Variants in SLC8A1 observed in about 807,000 individuals in gnomAD.
SLC8A1 encodes the protein solute carrier family 8 member A1.
In SLC8A1, 18 loss-of-function variants were observed where a neutral mutation model predicts 68.3. The ratio of observed to expected loss-of-function variants is 0.26; its 90% CI spans 0.18 to 0.39. The LOEUF is 0.39. SLC8A1 is among the 10% of genes least tolerant of loss of function. The pLI, the probability that SLC8A1 is intolerant of heterozygous loss-of-function variation, is 1.00. For synonymous variants in SLC8A1, 475 were observed against 415.5 expected, an observed-to-expected ratio of 1.14 and a Z score of -1.74; for missense variants, 985 against 1,156.7, an observed-to-expected ratio of 0.85 and a Z score of 2.15.
At chr2:40,198,519 A>T (rs1209880414) in intron 2 of SLC8A1, among the ~76,000 whole-genome samples, 2 of 151,968 alleles carry the variant, frequency 1.3e-5, no homozygotes, top group Non-Finnish European at 2.9e-5. Context: ...TATAAGAAAA[A>T]TATTTATTGA....
intron 6 of SLC8A1, among the ~76,000 whole-genome samples, chr2:40,150,056 A>AG (rs1473083902): frequency 2.6e-5 from 4 of 151,046 alleles, no homozygotes; most frequent in Non-Finnish European, 5.9e-5. Context: ...TTTGTTAAAA[A>AG]AAAAAAAAAA....
At chr2:40,200,216 ATATTTTTT>A (rs1238822162) in intron 2 of SLC8A1, among the ~76,000 whole-genome samples, 187 of 7,760 alleles carry the variant, frequency 0.024, 11 homozygotes, top group Middle Eastern at 0.14. Context: ...AAATATATAT[ATATTTTTT>A]TATATATATA....
chr2:40,380,848 T>A (rs1681514474), intron 2 of SLC8A1, among the ~76,000 whole-genome samples: 1 of 152,074 alleles, frequency 6.6e-6, no homozygotes, highest in Non-Finnish European at 1.5e-5. Flanking sequence ...GGTGTCCTAC[T>A]TCTTCAGGGA....
At chr2:40,167,933 C>T (rs1421654278) in intron 4 of SLC8A1, among the ~76,000 whole-genome samples, 1 of 152,164 alleles carries the variant, frequency 6.6e-6, no homozygotes, top group Non-Finnish European at 1.5e-5. Context: ...TTTGAACCAT[C>T]CTTGTATCCT....
intron 2 of SLC8A1, among the ~76,000 whole-genome samples, chr2:40,304,432 C>T (rs150548959): frequency 3.9e-5 from 6 of 152,130 alleles, no homozygotes; most frequent in South Asian, 2.1e-4. Context: ...GAAGGACTGT[C>T]GCATAAGGAT....
At chr2:40,282,660 G>T (rs184877122) in intron 2 of SLC8A1, among the ~76,000 whole-genome samples, 1 of 152,094 alleles carries the variant, frequency 6.6e-6, no homozygotes, top group Non-Finnish European at 1.5e-5. Flanking sequence ...AAAACATGAC[G>T]TAGCTTTTGG....
exon 8 of SLC8A1, chr2:40,108,587 C>G (rs1465567727): frequency 6.6e-6 from 1 of 152,154 alleles, no homozygotes; most frequent in African/African-American, 2.4e-5. Flanking sequence ...GAGTATTTCT[C>G]AAACTTGAGC....
At chr2:40,488,370 C>T (rs760079526) in intron 1 of SLC8A1, among the ~76,000 whole-genome samples, 1 of 152,026 alleles carries the variant, frequency 6.6e-6, no homozygotes, top group Non-Finnish European at 1.5e-5. Flanking sequence ...GATTCAGGCC[C>T]ATTCGTATTC....
At chr2:40,412,277 G>A (rs1187982590) in intron 2 of SLC8A1, among the ~76,000 whole-genome samples, 1 of 152,122 alleles carries the variant, frequency 6.6e-6, no homozygotes, top group African/African-American at 2.4e-5. Context: ...GACTGATGGT[G>A]TATTAAGTGT....
intron 2 of SLC8A1, among the ~76,000 whole-genome samples, chr2:40,293,227 T>C (rs1045686402): frequency 2.0e-5 from 3 of 152,210 alleles, no homozygotes; most frequent in African/African-American, 4.8e-5. Flanking sequence ...ATTTGTACTT[T>C]TGGTTCATCT....
intron 1 of SLC8A1, among the ~76,000 whole-genome samples, chr2:40,436,825 A>G (rs1317649591): frequency 1.3e-5 from 2 of 152,158 alleles, no homozygotes; most frequent in African/African-American, 4.8e-5. Context: ...AATAAATAAA[A>G]AAGAATGTAG....
intron 2 of SLC8A1, among the ~76,000 whole-genome samples, chr2:40,423,186 A>G (rs1408767838): frequency 2.0e-5 from 3 of 152,068 alleles, no homozygotes; most frequent in Admixed American, 2.0e-4. Context: ...GGTCCTGTCT[A>G]TTGAAACTGC....
exon 2 of SLC8A1, chr2:40,429,352 A>G (rs1295591389): frequency 1.2e-6 from 2 of 1,613,782 alleles, no homozygotes; most frequent in African/African-American, 1.3e-5. Context: ...ATCCACCTCC[A>G]GAACCAGAGC....
At chr2:40,509,849 C>T (rs1706603872) in intron 1 of SLC8A1, among the ~76,000 whole-genome samples, 2 of 151,398 alleles carry the variant, frequency 1.3e-5, no homozygotes, top group Admixed American at 1.3e-4. Flanking sequence ...CTCACTCTGT[C>T]GTCCAGGCTG....
chr2:40,128,723 T>A (rs1195954742), intron 7 of SLC8A1, among the ~76,000 whole-genome samples: 1 of 152,178 alleles, frequency 6.6e-6, no homozygotes, highest in East Asian at 1.9e-4. Context: ...GGAATTGTTT[T>A]AAAAAGGTGG....
At chr2:40,267,887 C>T (rs1214700060) in intron 2 of SLC8A1, among the ~76,000 whole-genome samples, 1 of 152,118 alleles carries the variant, frequency 6.6e-6, no homozygotes, top group Non-Finnish European at 1.5e-5. Flanking sequence ...CCACATATTT[C>T]CTTGAGTAGC....
At chr2:40,370,075 C>T (rs1677552168) in intron 2 of SLC8A1, among the ~76,000 whole-genome samples, 1 of 152,070 alleles carries the variant, frequency 6.6e-6, no homozygotes, top group African/African-American at 2.4e-5. Flanking sequence ...GGAGACATGG[C>T]ATTTTAATAG....
In SLC8A1 at chr2:40,200,242, AT is replaced by A. The variant is rs1654615897; in HGVS notation, c.1809-22388del. Among the ~76,000 whole-genome samples the A allele has an allele frequency of 4.5e-4, 6 of 13,246 alleles. 1 individual carries two copies. The highest frequency in any genetic ancestry group is 6.9e-4 in the Admixed American group (1 of 1,444). The allele number at this position is 13,246 out of a possible 152,430, so 8.7% of individuals were successfully genotyped here. A position where few individuals can be genotyped will look rare whatever the true frequency, so the allele number is the denominator to read the frequency against. ...TATTTTTTTATATATATATATAAAT[AT>A]ATATATATATATATATATATATATA... On this transcript the variant is annotated intron_variant, in intron 2 of 7. Transcript: ENST00000406785.
intron 2 of SLC8A1, among the ~76,000 whole-genome samples, chr2:40,398,935 T>C (rs1482966553): frequency 1.3e-5 from 2 of 152,218 alleles, no homozygotes; most frequent in East Asian, 3.9e-4. Context: ...ACAGACTCTA[T>C]CTCTCTATTT....
Sources: gnomAD v4.1 joint callset for allele counts (sites outside exome capture counted in the v4.1 genomes callset) on GRCh38, gnomAD v4.1.1 for gene constraint, MANE v1.5 for transcripts, NCBI Gene and HGNC (gene_info 2026-07-23, HGNC 2026-07-21) for gene names.